Variants in HDAC4 observed in about 807,000 individuals in gnomAD.
The protein encoded by HDAC4 is histone deacetylase 4, also known as histone deacetylase A.
Under a neutral mutation model 135.1 loss-of-function variants are expected in HDAC4, and 16 were observed. The observed-to-expected ratio is 0.12, with a 90% CI of 0.08 to 0.18. The LOEUF (loss-of-function observed/expected upper bound fraction) is 0.18. HDAC4 is among the 10% of genes least tolerant of loss of function. The probability of loss-of-function intolerance (pLI) is 1.00; values close to 1 mark genes in which losing one functional copy is unlikely to be tolerated. For synonymous variants in HDAC4, 685 were observed against 653.4 expected (o/e 1.05, Z -0.74); for missense variants, 1,143 against 1,511.8 (o/e 0.76, Z 4.05).
chr2:239,100,381 C>T (rs190271814), intron 16 of HDAC4, among the ~76,000 whole-genome samples: 7 of 152,218 alleles, frequency 4.6e-5, no homozygotes, highest in East Asian at 1.9e-4. Flanking sequence ...TCTTTTTCTG[C>T]GGTCAGGTGT....
chr2:239,099,066 A>G (rs1451265440), intron 16 of HDAC4, among the ~76,000 whole-genome samples: 1 of 152,240 alleles, frequency 6.6e-6, no homozygotes, highest in East Asian at 1.9e-4. Flanking sequence ...AACCAAAAAC[A>G]AGAAAGGGGT....
At chr2:239,117,697 G>A (rs563917096) in intron 12 of HDAC4, among the ~76,000 whole-genome samples, 1 of 151,940 alleles carries the variant, frequency 6.6e-6, no homozygotes, top group Admixed American at 6.6e-5. Context: ...GTGAAAGAAC[G>A]TCCCACAATC....
intron 2 of HDAC4, among the ~76,000 whole-genome samples, chr2:239,268,180 G>A (rs955572772): frequency 1.3e-5 from 2 of 152,244 alleles, no homozygotes; most frequent in Admixed American, 1.3e-4. Flanking sequence ...TGGAATGGGT[G>A]CTGGAGGAAG....
At chr2:239,297,027 TAAAAAAAAAA>T (rs71043186) in intron 2 of HDAC4, among the ~76,000 whole-genome samples, 1 of 118,230 alleles carries the variant, frequency 8.5e-6, no homozygotes, top group Non-Finnish European at 1.8e-5. Context: ...TGTTTTCATG[TAAAAAAAAAA>T]AAAAAAAAAA....
At chr2:239,190,288 G>A (rs1235857670) in intron 3 of HDAC4, among the ~76,000 whole-genome samples, 1 of 151,894 alleles carries the variant, frequency 6.6e-6, no homozygotes, top group South Asian at 2.1e-4. Context: ...TTCCTCAAGG[G>A]CAAAAACCAC....
rs1365757150 is a variant in HDAC4, at chr2:239,352,034, A to C, written c.22+644T>G. Among the ~76,000 whole-genome samples, 1 of 152,176 alleles carries C rather than the reference A, an allele frequency of 6.6e-6. No homozygotes were observed. The highest frequency in any genetic ancestry group is 1.5e-5 in the Non-Finnish European group (1 of 68,024). On this transcript the variant is annotated intron_variant, in intron 2 of 26. Coordinates refer to ENST00000543185, the MANE Select transcript of HDAC4 (RefSeq NM_001378414.1). The surrounding 1 kb of genome is among the most constrained non-coding windows in gnomAD (Gnocchi z 4.4). ...AAGGACAGAAAGTGTGAAGTCGTAA[A>C]TGGATGGGCCCATGACATGCTTCTG...
chr2:239,198,726 C>G (rs1466428610), intron 3 of HDAC4, among the ~76,000 whole-genome samples: 1 of 152,220 alleles, frequency 6.6e-6, no homozygotes, highest in African/African-American at 2.4e-5. Context: ...CGTGTCGCCC[C>G]TCTTCTGTTC....
chr2:239,144,086 G>T (rs546929164), intron 8 of HDAC4, among the ~76,000 whole-genome samples: 1 of 152,132 alleles, frequency 6.6e-6, no homozygotes, highest in East Asian at 1.9e-4. Context: ...ACCGTGACAC[G>T]TCACTAGGGC....
chr2:239,095,115 A>AG lies in HDAC4; in HGVS notation c.2234-60dup, dbSNP rs376077995. The AG allele has an allele frequency of 1.6e-5, 26 of 1,596,008 alleles. No homozygotes were observed. In the African/African-American group the frequency reaches 2.3e-4, roughly 14 times the overall value. On this transcript the variant is annotated intron_variant, in intron 16 of 26. Transcript: ENST00000543185. The stretch of plus-strand genomic sequence containing the variant: ...AGGGCACGCGGCCAAGGTGCTCGAC[A>AG]GGCCCTGGGCGCACTCCGGGGTCTT...
chr2:239,357,926 G>C (rs1190730071), intron 1 of HDAC4, among the ~76,000 whole-genome samples: 1 of 141,694 alleles, frequency 7.1e-6, no homozygotes, highest in African/African-American at 2.6e-5. Context: ...AAGAGAGTGG[G>C]AATTAACTAC....
intron 2 of HDAC4, among the ~76,000 whole-genome samples, chr2:239,327,425 G>C (rs2053503303): frequency 6.6e-6 from 1 of 152,252 alleles, no homozygotes; most frequent in Non-Finnish European, 1.5e-5. Flanking sequence ...CAGGTGTCCA[G>C]CGAGTGAAAC....
intron 1 of HDAC4, among the ~76,000 whole-genome samples, chr2:239,396,797 A>G (rs952881774): frequency 6.6e-6 from 1 of 152,268 alleles, no homozygotes; most frequent in African/African-American, 2.4e-5. Context: ...AGAGTAGATT[A>G]ACTTGGTCCT....
At chr2:239,383,842 G>A (rs1344728288) in intron 1 of HDAC4, among the ~76,000 whole-genome samples, 1 of 152,230 alleles carries the variant, frequency 6.6e-6, no homozygotes, top group Admixed American at 6.5e-5. Context: ...ATGCAGACAG[G>A]ATGAAGCTCA....
chr2:239,248,326 G>A (rs1313664685), intron 2 of HDAC4, among the ~76,000 whole-genome samples: 6 of 151,806 alleles, frequency 4.0e-5, no homozygotes, highest in African/African-American at 7.3e-5. Flanking sequence ...GACTACAGGC[G>A]CCGGCCACCA....
chr2:239,150,942 C>T (rs2042084926), intron 7 of HDAC4, among the ~76,000 whole-genome samples: 1 of 152,166 alleles, frequency 6.6e-6, no homozygotes, highest in African/African-American at 2.4e-5. Flanking sequence ...GAAGTATGTA[C>T]TACATTACAC....
At chr2:239,297,635 T>C (rs1575641639) in intron 2 of HDAC4, among the ~76,000 whole-genome samples, 1 of 152,196 alleles carries the variant, frequency 6.6e-6, no homozygotes, top group South Asian at 2.1e-4. Context: ...GGCCTGGGGA[T>C]GCCAGGCCCC....
rs2152905715 is a variant in HDAC4, at chr2:239,141,371, G to A, written c.866-1575C>T. On this transcript the variant is annotated intron_variant, in intron 8 of 26. Transcript: ENST00000543185. The surrounding 1 kb of genome is among the most constrained non-coding windows in gnomAD (Gnocchi z 4.9). The stretch of plus-strand genomic sequence containing the variant: ...AGTGTGGGGTCAGCTCACTGTCCTG[G>A]GCATTGAGCATGAATACAGGACTGG... 6.6e-6 allele frequency among the ~76,000 whole-genome samples: 1 copy of A among 152,228 alleles called. No individual in the cohort carries two copies. The highest frequency in any genetic ancestry group is 6.5e-5 in the Admixed American group (1 of 15,292).
chr2:239,109,068 G>A (rs1291383366), intron 14 of HDAC4, among the ~76,000 whole-genome samples: 1 of 152,228 alleles, frequency 6.6e-6, no homozygotes, highest in Non-Finnish European at 1.5e-5. Flanking sequence ...TGGCCCTCCG[G>A]GGCACAGCTC....
At chr2:239,298,535 A>T (rs886467624) in intron 2 of HDAC4, 44 of 1,027,132 alleles carry the variant, frequency 4.3e-5, no homozygotes, top group Non-Finnish European at 4.9e-5. Flanking sequence ...TCATTTAGTC[A>T]TCATAGCCAC....
Sources: gnomAD v4.1 joint callset for allele counts (sites outside exome capture counted in the v4.1 genomes callset) on GRCh38, gnomAD v4.1.1 for gene constraint, Gnocchi (gnomAD v3.1) non-coding constraint, MANE v1.5 for transcripts, NCBI Gene and HGNC (gene_info 2026-07-23, HGNC 2026-07-21) for gene names.